DAB1: variants seen among roughly 807,000 people sequenced by gnomAD.
The protein encoded by DAB1 is DAB adaptor protein 1.
DAB1 carries 15 observed loss-of-function variants against 64.6 expected under a neutral mutation model. The ratio of observed to expected loss-of-function variants is 0.23; its 90% confidence interval spans 0.16 to 0.36. DAB1 has a LOEUF of 0.36. DAB1 is among the 10% of genes least tolerant of loss of function. The pLI is 1.00. For missense variants in DAB1, 596 were observed against 706.7 expected, an observed-to-expected ratio of 0.84 and a Z score of 1.78; for synonymous variants, 235 against 251.9, an observed-to-expected ratio of 0.93 and a Z score of 0.64.
chr1:58,056,042 G>A lies in DAB1; in HGVS notation n.387+94469C>T, dbSNP rs911975832. Reference sequence around the variant, plus strand: ...TGTGAGCCACCGTGCCTGGCCTCATGTGCATTCTTTTTTTTTTTTTTTTAA... The same window carrying A: ...TGTGAGCCACCGTGCCTGGCCTCATATGCATTCTTTTTTTTTTTTTTTTAA... On this transcript the variant is annotated intron_variant and non_coding_transcript_variant, in intron 5 of 20. Coordinates refer to the DAB1 transcript ENST00000485760. 5.6e-6 allele frequency: 5 copies of A among 888,864 alleles called. No homozygotes were observed. The Admixed American group carries it at 5.8e-5, about 10-fold the overall frequency. 55.1% of individuals were successfully genotyped at this position (888,864 alleles called of 1,614,324 possible).
At chr1:57,568,618 G>A (rs6665442) in intron 7 of DAB1, among the ~76,000 whole-genome samples, 133,445 of 152,124 alleles carry the variant, frequency 0.88, 60,159 homozygotes, top group East Asian at 1. Flanking sequence ...CGGGCAAAAG[G>A]TATGAACAGA....
chr1:57,347,496 G>A (rs1476073237), intron 1 of DAB1, among the ~76,000 whole-genome samples: 1 of 152,154 alleles, frequency 6.6e-6, no homozygotes, highest in East Asian at 1.9e-4. Flanking sequence ...TGAGATAATG[G>A]TCAGCACAAT....
intron 7 of DAB1, among the ~76,000 whole-genome samples, chr1:57,563,034 G>A (rs2805864): frequency 0.32 from 49,215 of 151,934 alleles, 8,587 homozygotes; most frequent in African/African-American, 0.45. Context: ...GGAAACTACA[G>A]CAGCCCAATC....
intron 7 of DAB1, among the ~76,000 whole-genome samples, chr1:57,618,409 T>C (rs1645814858): frequency 3.5e-5 from 1 of 28,848 alleles, no homozygotes; most frequent in Non-Finnish European, 7.9e-5. Context: ...AGTGAGACTG[T>C]CAAAAAAAAA....
intron 1 of DAB1, among the ~76,000 whole-genome samples, chr1:57,399,795 G>A (rs937271256): frequency 6.6e-6 from 1 of 152,132 alleles, no homozygotes; most frequent in African/African-American, 2.4e-5. Flanking sequence ...ATATTCAAGA[G>A]AGAAAAATCA....
chr1:57,404,308 TAATC>T (rs985425658), intron 1 of DAB1, among the ~76,000 whole-genome samples: 12 of 152,072 alleles, frequency 7.9e-5, no homozygotes, highest in African/African-American at 2.9e-4. Context: ...AATAGAAAAA[TAATC>T]ATAATAGCTA....
chr1:57,067,781 T>C (rs1349395896), intron 8 of DAB1, among the ~76,000 whole-genome samples: 3 of 152,106 alleles, frequency 2.0e-5, no homozygotes, highest in African/African-American at 7.2e-5. Flanking sequence ...AATGGCTGAG[T>C]TGATACTTGT....
intron 2 of DAB1, among the ~76,000 whole-genome samples, chr1:57,234,793 T>G (rs1667968686): frequency 6.6e-6 from 1 of 152,192 alleles, no homozygotes; most frequent in Non-Finnish European, 1.5e-5. Flanking sequence ...GAATTCAGTT[T>G]CTTGTAGCTG....
chr1:57,757,198 ATTT>A lies in DAB1; in HGVS notation n.552-107536_552-107534del, dbSNP rs375166170. On this transcript the variant is annotated intron_variant and non_coding_transcript_variant, in intron 6 of 20. Coordinates refer to the DAB1 transcript ENST00000485760. Reference sequence around the variant, plus strand: ...TCCATGCTGCTGGCCCAGGGGCAGAATTTTTTTTTTTTTTTTTTTTTTAGCAGC... The same window carrying A: ...TCCATGCTGCTGGCCCAGGGGCAGAATTTTTTTTTTTTTTTTTTTAGCAGC... Among the ~76,000 whole-genome samples the A allele has an allele frequency of 6.8e-3, 616 of 90,064 alleles. 7 individuals carry two copies. Among genetic ancestry groups the A allele is most frequent in the African/African-American group, 0.018 (580 of 32,804 alleles). 59.1% of individuals were successfully genotyped at this position (90,064 alleles called of 152,430 possible).
chr1:57,070,295 A>G (rs914018968), intron 7 of DAB1, among the ~76,000 whole-genome samples: 1 of 152,248 alleles, frequency 6.6e-6, no homozygotes, highest in Non-Finnish European at 1.5e-5. Flanking sequence ...TTTGTGTTCA[A>G]TAAGTCATTT....
intron 2 of DAB1, among the ~76,000 whole-genome samples, chr1:57,162,344 C>T (rs1438093717): frequency 6.6e-6 from 1 of 152,168 alleles, no homozygotes; most frequent in African/African-American, 2.4e-5. Context: ...GACACATTGC[C>T]CATGGAAGCC....
chr1:57,583,286 T>C (rs939759979), intron 7 of DAB1, among the ~76,000 whole-genome samples: 1 of 144,888 alleles, frequency 6.9e-6, no homozygotes, highest in African/African-American at 2.5e-5. Flanking sequence ...GTTTTTTTTC[T>C]TTTCTTTTTT....
rs183187265 is a variant in DAB1, at chr1:57,083,848, T to C, written c.307-11434A>G. Among the ~76,000 whole-genome samples, 7 of 152,330 alleles carry C rather than the reference T, an allele frequency of 4.6e-5. No homozygotes were observed. The East Asian group carries it at 1.4e-3, about 29-fold the overall frequency. ...CAGCATCTGAAACCCACATCTGATG[T>C]GTGCTACTTTCGTTAACTTGGACAA... On this transcript the variant is annotated intron_variant, in intron 4 of 14. Transcript: ENST00000371236.
chr1:57,669,520 T>C (rs1646486168), intron 6 of DAB1, among the ~76,000 whole-genome samples: 1 of 152,168 alleles, frequency 6.6e-6, no homozygotes, highest in South Asian at 2.1e-4. Context: ...GGAGGGACCA[T>C]TCTAATTGGC....
intron 7 of DAB1, among the ~76,000 whole-genome samples, chr1:57,569,749 TA>T (rs908170231): frequency 2.6e-5 from 4 of 151,184 alleles, no homozygotes; most frequent in Non-Finnish European, 5.9e-5. Flanking sequence ...AGTATACTAA[TA>T]AAAAAAAAGA....
At chr1:57,136,740 A>G in intron 3 of DAB1, 99 bp from the exon 4 acceptor site, 1 of 584,542 alleles carries the variant, frequency 1.7e-6, no homozygotes, top group Non-Finnish European at 2.8e-6. Context: ...AATGCCACCA[A>G]TCATGCACAC....
chr1:58,454,749 T>C (rs917084405), intron 3 of DAB1, among the ~76,000 whole-genome samples: 1 of 152,212 alleles, frequency 6.6e-6, no homozygotes, highest in Non-Finnish European at 1.5e-5. Context: ...CAGTTCCGCC[T>C]GTTCACAGAC....
At chr1:57,372,760 T>A (rs1179865373) in intron 1 of DAB1, among the ~76,000 whole-genome samples, 1 of 152,144 alleles carries the variant, frequency 6.6e-6, no homozygotes, top group Non-Finnish European at 1.5e-5. Context: ...TAGTATGATA[T>A]TTTCCTCAAG....
chr1:57,063,275 T>G (rs1031296274), intron 8 of DAB1, among the ~76,000 whole-genome samples: 4 of 151,844 alleles, frequency 2.6e-5, no homozygotes, highest in African/African-American at 9.7e-5. Flanking sequence ...TAGACAAAAA[T>G]GAGGCGTAGG....
Sources: allele counts gnomAD v4.1 joint callset (sites outside exome capture counted in the v4.1 genomes callset), GRCh38; gene constraint gnomAD v4.1.1; transcripts MANE v1.5; gene names NCBI Gene and HGNC (gene_info 2026-07-23, HGNC 2026-07-21).